ATCAY: variants seen among roughly 807,000 people sequenced by gnomAD.
ATCAY encodes the protein caytaxin.
In ATCAY, 22 loss-of-function variants were observed where a neutral mutation model predicts 47.7. That is an observed-to-expected ratio of 0.46 (90% CI 0.33 to 0.66). The LOEUF (loss-of-function observed/expected upper bound fraction) is 0.66. ATCAY is among the 30% of genes least tolerant of loss of function. ATCAY has a pLI of 0.02. For missense variants in ATCAY, 452 were observed against 515.0 expected (o/e 0.88, Z 1.18); for synonymous variants, 216 against 207.6 (o/e 1.04, Z -0.35).
chr19:3,901,762 C>T (rs2038817966), intron 2 of ATCAY, among the ~76,000 whole-genome samples: 1 of 151,980 alleles, frequency 6.6e-6, no homozygotes, highest in African/African-American at 2.4e-5. Context: ...TTTGAGAGGC[C>T]GAGGTGGGCA....
chr19:3,909,460 C>G, intron 6 of ATCAY, 26 bp from the exon 7 acceptor site: 1 of 1,608,764 alleles, frequency 6.2e-7, no homozygotes, highest in Middle Eastern at 1.7e-4. Flanking sequence ...CATGTTGGGT[C>G]CCTGCCTTCT....
At chr19:3,914,328 G>A (rs1472972642) in intron 9 of ATCAY, among the ~76,000 whole-genome samples, 1 of 151,140 alleles carries the variant, frequency 6.6e-6, no homozygotes, top group African/African-American at 2.4e-5. Context: ...CGTCTCCCAT[G>A]GCGGCAGAGA....
At chr19:3,923,313 A>T (rs1430071845) in intron 12 of ATCAY, among the ~76,000 whole-genome samples, 1 of 152,236 alleles carries the variant, frequency 6.6e-6, no homozygotes, top group Non-Finnish European at 1.5e-5. Context: ...AAACAGCAGA[A>T]TTAGATCTTG....
chr19:3,898,816 G>C (rs1195415276), intron 2 of ATCAY, among the ~76,000 whole-genome samples: 2 of 152,026 alleles, frequency 1.3e-5, no homozygotes, highest in East Asian at 3.9e-4. Flanking sequence ...CAAGTAGCTA[G>C]GATTATAGGC....
intron 12 of ATCAY, among the ~76,000 whole-genome samples, chr19:3,924,096 G>C (rs893664543): frequency 6.7e-6 from 1 of 148,712 alleles, no homozygotes; most frequent in Non-Finnish European, 1.5e-5. Context: ...AGATGGATGA[G>C]TGGAGGGATG....
intron 4 of ATCAY, among the ~76,000 whole-genome samples, chr19:3,906,679 CA>C (rs888050611): frequency 6.6e-6 from 1 of 152,092 alleles, no homozygotes; most frequent in African/African-American, 2.4e-5. Flanking sequence ...ATCAGAATCT[CA>C]AAGGCGACCA....
chr19:3,908,163 T>C, intron 5 of ATCAY, 105 bp from the exon 6 acceptor site: 25 of 1,109,992 alleles, frequency 2.3e-5, no homozygotes, highest in Non-Finnish European at 3.3e-5. Context: ...CTCGGAGCCA[T>C]GCCCTCCCGA....
chr19:3,917,859 A>C (rs2038979886), intron 10 of ATCAY, 82 bp downstream of exon 10: 1 of 1,493,792 alleles, frequency 6.7e-7, no homozygotes, highest in African/African-American at 1.4e-5. Context: ...CAACCCGGTG[A>C]CTTCTGGGCA....
chr19:3,901,003 G>T (rs983694659), intron 2 of ATCAY, among the ~76,000 whole-genome samples: 2 of 145,780 alleles, frequency 1.4e-5, no homozygotes, highest in African/African-American at 5.1e-5. Context: ...CTGGGTTCAT[G>T]CCATTCTCCT....
In ATCAY at chr19:3,910,811, A is replaced by G. The variant is rs974592593; in HGVS notation, c.788A>G (p.Lys263Arg). 1 of 1,614,010 alleles carries G rather than the reference A, an allele frequency of 6.2e-7. No individual in the cohort carries two copies. The highest frequency in any genetic ancestry group is 1.3e-5 in the African/African-American group (1 of 75,062). ...TTTGCGGCCCCACACAGGTTGCGGAAAAACCTGAAGTCCTTGATCATCGTC... is the reference window on the plus strand; with the variant it reads ...TTTGCGGCCCCACACAGGTTGCGGAGAAACCTGAAGTCCTTGATCATCGTC... ...CYQMIDRRLR[K>R]NLKSLIIVHP... Residue 263 changes from lysine to arginine, a missense_variant, in exon 8 of 13, where the codon AAA becomes AGA. Physicochemically the swap from Lys to Arg is conservative, Grantham distance 26 (BLOSUM62 2). Coordinates refer to ENST00000450849, the MANE Select transcript of ATCAY (RefSeq NM_033064.5).
At position 3,888,140 on chromosome 19, in the gene ATCAY, G is replaced by A. The variant is rs538603161; in HGVS notation, c.77+2296G>A. On this transcript the variant is annotated intron_variant, in intron 2 of 12. Transcript: ENST00000450849. ...AAAAAAAAAAAATACTACATGGAAA[G>A]GAAGCTGTGCGAATTTGCTGTTGAG... 7.3e-5 allele frequency among the ~76,000 whole-genome samples: 11 copies of A among 151,364 alleles called. No individual in the cohort carries two copies. In the South Asian group the frequency reaches 2.3e-3, roughly 32 times the overall value.
intron 6 of ATCAY, 114 bp downstream of exon 6, chr19:3,908,484 G>T: frequency 1.0e-6 from 1 of 996,950 alleles, no homozygotes; most frequent in South Asian, 1.4e-5. Flanking sequence ...CCTGGCACCA[G>T]GGAAGGGCGT....
intron 2 of ATCAY, among the ~76,000 whole-genome samples, chr19:3,892,791 C>T (rs1482011526): frequency 3.3e-5 from 5 of 151,944 alleles, no homozygotes; most frequent in Admixed American, 3.3e-4. Context: ...ACCTGTAATC[C>T]CAGCTACTGG....
Position 3,908,388 on chromosome 19 carries a change from G to A in ATCAY, c.647+18G>A. The A allele has an allele frequency of 1.9e-6, 3 of 1,565,338 alleles. No homozygotes were observed. The highest frequency in any genetic ancestry group is 1.7e-6 in the Non-Finnish European group (2 of 1,153,462). On this transcript the variant is annotated intron_variant, in intron 6 of 12. Transcript: ENST00000450849. ...CTCTTCCTGTGAGTCCCCGCCCGCG[G>A]CGAGCAGCCTCGGGCCAGCTCTGAT...
chr19:3,893,212 C>T (rs893762552), intron 2 of ATCAY, among the ~76,000 whole-genome samples: 5 of 148,086 alleles, frequency 3.4e-5, no homozygotes, highest in Non-Finnish European at 7.4e-5. Flanking sequence ...CTTGCTCTGT[C>T]GCCCAGGCTG....
intron 9 of ATCAY, 83 bp downstream of exon 9, chr19:3,913,939 CAAAAGAG>C: frequency 7.6e-7 from 1 of 1,322,820 alleles, no homozygotes; most frequent in Admixed American, 1.9e-5. Context: ...GGGCAATTTA[CAAAAGAG>C]GTTTAAGGGG....
At chr19:3,882,352 CTG>C (rs1224539494) in intron 1 of ATCAY, among the ~76,000 whole-genome samples, 1 of 151,992 alleles carries the variant, frequency 6.6e-6, no homozygotes, top group African/African-American at 2.4e-5. Context: ...AGTAGGGTCT[CTG>C]TTGCTCAGGC....
intron 6 of ATCAY, among the ~76,000 whole-genome samples, chr19:3,908,887 C>G (rs2038895186): frequency 1.1e-5 from 1 of 87,638 alleles, no homozygotes; most frequent in African/African-American, 4.5e-5. Flanking sequence ...CTCTCCTTCC[C>G]TCTCCTCCCC....
intron 1 of ATCAY, among the ~76,000 whole-genome samples, chr19:3,884,281 C>T (rs919005718): frequency 3.5e-5 from 5 of 144,362 alleles, no homozygotes; most frequent in Admixed American, 6.7e-5. Flanking sequence ...AGCAAGACCC[C>T]GTCTCTAAAT....
Sources: allele counts gnomAD v4.1 joint callset (sites outside exome capture counted in the v4.1 genomes callset), GRCh38; gene constraint gnomAD v4.1.1; transcripts MANE v1.5; gene names NCBI Gene and HGNC (gene_info 2026-07-23, HGNC 2026-07-21).